The following PDE4D variants were observed in gnomAD, a reference collection of about 807,000 sequenced individuals.
The protein encoded by PDE4D is 3',5'-cyclic-AMP phosphodiesterase 4D.
A neutral mutation model predicts 87.4 loss-of-function variants in PDE4D; 24 were observed. The observed-to-expected ratio is 0.27, with a 90% CI of 0.20 to 0.39. PDE4D has a LOEUF of 0.39. PDE4D is among the 10% of genes least tolerant of loss of function. The pLI is 1.00. For synonymous variants in PDE4D, 384 were observed against 383.2 expected (o/e 1.00, Z -0.02); for missense variants, 714 against 1,041.0 (o/e 0.69, Z 4.32).
intron 1 of PDE4D, among the ~76,000 whole-genome samples, chr5:59,877,051 T>C (rs899490106): frequency 6.6e-6 from 1 of 152,202 alleles, no homozygotes; most frequent in Non-Finnish European, 1.5e-5. Context: ...TCTTTGCTTA[T>C]ACCATATTTA....
chr5:60,019,798 C>T (rs565170779), intron 2 of PDE4D, among the ~76,000 whole-genome samples: 12 of 152,244 alleles, frequency 7.9e-5, no homozygotes, highest in South Asian at 4.1e-4. Flanking sequence ...GAAGGCTATT[C>T]GCTTTCTTAC....
chr5:59,861,393 A>G (rs955923968), intron 1 of PDE4D, among the ~76,000 whole-genome samples: 1 of 152,322 alleles, frequency 6.6e-6, no homozygotes, highest in Admixed American at 6.5e-5. Flanking sequence ...ATTGTTAGCC[A>G]GTTAATAGAG....
rs189341012 is a variant in PDE4D at position 60,076,252 on chromosome 5, G to A, written c.43-87535C>T. 7.3e-3 allele frequency among the ~76,000 whole-genome samples: 1,113 copies of A among 151,966 alleles called. 22 individuals carry two copies. Among genetic ancestry groups the A allele is most frequent in the East Asian group, 0.045 (233 of 5,154 alleles). Reference sequence around the variant, plus strand: ...CGGCTCACTGCAAGCTCCGTCTCCCGTGTTCACGCCATTCTCCTGCCTCAG... The same window carrying A: ...CGGCTCACTGCAAGCTCCGTCTCCCATGTTCACGCCATTCTCCTGCCTCAG... On this transcript the variant is annotated intron_variant, in intron 2 of 16. Coordinates refer to the PDE4D transcript ENST00000502484.
intron 1 of PDE4D, among the ~76,000 whole-genome samples, chr5:59,327,430 G>A (rs1775919978): frequency 6.6e-6 from 1 of 152,070 alleles, no homozygotes; most frequent in Non-Finnish European, 1.5e-5. Flanking sequence ...GAAGGAACAG[G>A]ATGATGAACA....
At chr5:59,574,105 TATATATATATATAA>T (rs1334705689) in intron 1 of PDE4D, among the ~76,000 whole-genome samples, 54 of 34,208 alleles carry the variant, frequency 1.6e-3, no homozygotes, top group African/African-American at 9.2e-3. Flanking sequence ...AATATATATT[TATATATATATATAA>T]ATATATATTT....
rs1160236398 is a variant in PDE4D at position 59,307,054 on chromosome 5, C to T, written c.456-91086G>A. ...AGAACAGAGCCCTCAGAAATAATGC[C>T]GCATATCTACAACTATCTGATCTTT... On this transcript the variant is annotated intron_variant, in intron 1 of 14. Transcript: ENST00000340635. 1.2e-3 allele frequency among the ~76,000 whole-genome samples: 105 copies of T among 90,920 alleles called. 17 individuals are homozygous for T. The highest frequency in any genetic ancestry group is 1.6e-3 in the East Asian group (4 of 2,514). 59.6% of individuals were successfully genotyped at this position (90,920 alleles called of 152,430 possible).
chr5:60,253,215 A>G (rs1449803375), intron 1 of PDE4D, among the ~76,000 whole-genome samples: 1 of 151,916 alleles, frequency 6.6e-6, no homozygotes, highest in Non-Finnish European at 1.5e-5. Flanking sequence ...CTGAGCTCCT[A>G]CAGCACAGGC....
chr5:59,678,247 A>G (rs1748440220), intron 1 of PDE4D, among the ~76,000 whole-genome samples: 1 of 152,200 alleles, frequency 6.6e-6, no homozygotes, highest in Admixed American at 6.5e-5. Flanking sequence ...TTGTAAAAGT[A>G]ACAACATTAT....
At chr5:59,180,525 G>A (rs1450434537) in intron 5 of PDE4D, 70 bp downstream of exon 5, 2 of 1,237,968 alleles carry the variant, frequency 1.6e-6, no homozygotes, top group African/African-American at 1.5e-5. Flanking sequence ...TGGTGTTGGT[G>A]TTATATTGAC....
intron 2 of PDE4D, among the ~76,000 whole-genome samples, chr5:60,120,189 A>C (rs956257251): frequency 1.3e-5 from 2 of 152,206 alleles, no homozygotes; most frequent in Non-Finnish European, 2.9e-5. Context: ...TTCTTCTCCA[A>C]TATGTCCATT....
At chr5:60,382,637 T>C (rs1761942929) in intron 1 of PDE4D, among the ~76,000 whole-genome samples, 1 of 152,160 alleles carries the variant, frequency 6.6e-6, no homozygotes, top group Admixed American at 6.6e-5. Context: ...ACTTCCCCCA[T>C]TTCACCGGAA....
chr5:60,060,904 T>C (rs1456909431), intron 2 of PDE4D, among the ~76,000 whole-genome samples: 1 of 152,020 alleles, frequency 6.6e-6, no homozygotes, highest in Non-Finnish European at 1.5e-5. Context: ...AAACTCTCAA[T>C]AAACTAGATA....
chr5:59,577,128 A>T (rs1357147825), intron 1 of PDE4D, among the ~76,000 whole-genome samples: 1 of 152,186 alleles, frequency 6.6e-6, no homozygotes, highest in Non-Finnish European at 1.5e-5. Context: ...AGGATATATG[A>T]AAAAGGAAGG....
intron 5 of PDE4D, among the ~76,000 whole-genome samples, chr5:59,100,600 T>C (rs1770567389): frequency 6.6e-6 from 1 of 152,190 alleles, no homozygotes; most frequent in African/African-American, 2.4e-5. Context: ...TTATTTCAGT[T>C]GACTGTGAAT....
intron 2 of PDE4D, among the ~76,000 whole-genome samples, chr5:60,079,036 T>G (rs1773632970): frequency 6.6e-6 from 1 of 152,254 alleles, no homozygotes; most frequent in South Asian, 2.1e-4. Flanking sequence ...CTCCACAACC[T>G]TGCCAGCATC....
chr5:59,434,082 A>C (rs1276039922), intron 1 of PDE4D, among the ~76,000 whole-genome samples: 1 of 119,378 alleles, frequency 8.4e-6, no homozygotes, highest in East Asian at 2.7e-4. Context: ...ATGTTCCTAA[A>C]GAAGTCTCAT....
intron 1 of PDE4D, among the ~76,000 whole-genome samples, chr5:59,402,229 A>G (rs1449573721): frequency 6.6e-6 from 1 of 152,226 alleles, no homozygotes; most frequent in Non-Finnish European, 1.5e-5. Flanking sequence ...ATTGTGATAG[A>G]GTGACCTCTT....
At chr5:59,236,571 A>G (rs1434714021) in intron 1 of PDE4D, among the ~76,000 whole-genome samples, 1 of 152,078 alleles carries the variant, frequency 6.6e-6, no homozygotes, top group Non-Finnish European at 1.5e-5. Context: ...AACATTCCCA[A>G]TTCCAACTGG....
intron 2 of PDE4D, among the ~76,000 whole-genome samples, chr5:60,124,437 C>G (rs1387065943): frequency 6.7e-6 from 1 of 150,198 alleles, no homozygotes. Context: ...TATCCTCACA[C>G]TCAGTTGATA....
Sources: gnomAD v4.1 joint callset for allele counts (sites outside exome capture counted in the v4.1 genomes callset) on GRCh38, gnomAD v4.1.1 for gene constraint, MANE v1.5 for transcripts, NCBI Gene and HGNC (gene_info 2026-07-23, HGNC 2026-07-21) for gene names.